LRBA: variants seen among roughly 807,000 people sequenced by gnomAD.
The protein encoded by LRBA is LPS responsive beige-like anchor protein, also known as lipopolysaccharide-responsive and beige-like anchor protein.
In LRBA, 176 loss-of-function variants were observed where a neutral mutation model predicts 330.0. That is an observed-to-expected ratio of 0.53 (90% confidence interval 0.47 to 0.60). The LOEUF is 0.60. Ranked by LOEUF, LRBA falls within the 20% of genes least tolerant of loss-of-function variation. The probability of loss-of-function intolerance (pLI) is 0.00; values close to 1 mark genes in which losing one functional copy is unlikely to be tolerated. For missense variants in LRBA, 3,259 were observed against 3,444.8 expected, an observed-to-expected ratio of 0.95 and a Z score of 1.35; for synonymous variants, 1,230 against 1,193.0, an observed-to-expected ratio of 1.03 and a Z score of -0.64.
intron 47 of LRBA, among the ~76,000 whole-genome samples, chr4:150,413,711 T>G (rs2151948771): frequency 6.6e-6 from 1 of 152,326 alleles, no homozygotes; most frequent in Non-Finnish European, 1.5e-5. Flanking sequence ...GTTACATAAC[T>G]GTATACACTT....
At chr4:150,848,457 C>T (rs1347139198) in intron 26 of LRBA, among the ~76,000 whole-genome samples, 1 of 151,430 alleles carries the variant, frequency 6.6e-6, no homozygotes, top group Non-Finnish European at 1.5e-5. Context: ...GGGAGCACCT[C>T]TAATTCCAGC....
At chr4:150,491,379 A>G (rs1758917015) in intron 40 of LRBA, among the ~76,000 whole-genome samples, 1 of 152,092 alleles carries the variant, frequency 6.6e-6, no homozygotes, top group Non-Finnish European at 1.5e-5. Flanking sequence ...AAAATCTTAA[A>G]AACAAAAAGC....
intron 27 of LRBA, 95 bp downstream of exon 27, chr4:150,844,563 A>T: frequency 8.8e-7 from 1 of 1,141,676 alleles, no homozygotes; most frequent in Non-Finnish European, 1.2e-6. Flanking sequence ...AATCTCTGCC[A>T]GATTTATTTA....
At chr4:150,586,146 T>C (rs1772087892) in intron 40 of LRBA, among the ~76,000 whole-genome samples, 1 of 152,166 alleles carries the variant, frequency 6.6e-6, no homozygotes, top group East Asian at 1.9e-4. Flanking sequence ...ATGTTCTGAA[T>C]TTTAAAAACA....
At chr4:150,753,896 A>T (rs1019260376) in intron 35 of LRBA, among the ~76,000 whole-genome samples, 3 of 151,682 alleles carry the variant, frequency 2.0e-5, no homozygotes, top group Non-Finnish European at 4.4e-5. Flanking sequence ...CAAAACACCA[A>T]CTCTACAAAA....
intron 51 of LRBA, among the ~76,000 whole-genome samples, chr4:150,313,227 C>G (rs930188350): frequency 6.6e-6 from 1 of 151,586 alleles, no homozygotes; most frequent in African/African-American, 2.4e-5. Flanking sequence ...GTGAAATTTC[C>G]ATATGTTAAG....
At chr4:150,971,770 G>C (rs1739604082) in intron 2 of LRBA, among the ~76,000 whole-genome samples, 1 of 152,058 alleles carries the variant, frequency 6.6e-6, no homozygotes, top group South Asian at 2.1e-4. Context: ...AGGGTTCCAA[G>C]CTTGGCCCAA....
intron 46 of LRBA, among the ~76,000 whole-genome samples, chr4:150,419,950 G>A (rs1484019000): frequency 1.3e-5 from 2 of 149,104 alleles, no homozygotes; most frequent in East Asian, 2.1e-4. Context: ...GATAATATAT[G>A]TCTAGCCCAG....
chr4:150,775,934 G>A (rs1232273741), intron 34 of LRBA, among the ~76,000 whole-genome samples: 1 of 151,256 alleles, frequency 6.6e-6, no homozygotes, highest in Non-Finnish European at 1.5e-5. Context: ...GAGGAGAAAA[G>A]AGGGGAGAAA....
intron 2 of LRBA, among the ~76,000 whole-genome samples, chr4:150,977,162 C>T (rs1294102099): frequency 6.6e-6 from 1 of 152,236 alleles, no homozygotes; most frequent in Non-Finnish European, 1.5e-5. Context: ...ACTTGCGCCA[C>T]TCCTCTCCAA....
Position 150,584,171 on chromosome 4 carries a change from G to C in LRBA, c.6330+3877C>G, listed in dbSNP as rs769949216. 19 of 1,445,578 alleles carry C rather than the reference G, an allele frequency of 1.3e-5. 1 individual carries two copies. The highest frequency in any genetic ancestry group is 1.6e-5 in the Non-Finnish European group (18 of 1,097,252). The allele number at this position is 1,445,578 out of a possible 1,614,324, so 89.5% of individuals were successfully genotyped here. A position where few individuals can be genotyped will look rare whatever the true frequency, so the allele number is the denominator to read the frequency against. ...CGTGCTCTCTCAGACACACAACTCTGCTATAAACAGCAGAAACTCTGGACA... is the reference window on the plus strand; with the variant it reads ...CGTGCTCTCTCAGACACACAACTCTCCTATAAACAGCAGAAACTCTGGACA... On this transcript the variant is annotated intron_variant, in intron 40 of 56. Coordinates refer to ENST00000651943, the MANE Select transcript of LRBA (RefSeq NM_001364905.1).
chr4:150,920,208 A>G (rs1236803989), intron 5 of LRBA, among the ~76,000 whole-genome samples: 1 of 152,208 alleles, frequency 6.6e-6, no homozygotes, highest in East Asian at 1.9e-4. Context: ...AAAAAAAAGA[A>G]TGAAAGATAA....
intron 37 of LRBA, among the ~76,000 whole-genome samples, chr4:150,646,830 T>C (rs1349979363): frequency 2.0e-5 from 3 of 152,080 alleles, no homozygotes; most frequent in Non-Finnish European, 4.4e-5. Flanking sequence ...GCAAAAGAAA[T>C]GCTCATTGGA....
chr4:150,751,549 CTATTCTTT>C (rs1287998601), intron 35 of LRBA, among the ~76,000 whole-genome samples: 2 of 151,880 alleles, frequency 1.3e-5, no homozygotes, highest in East Asian at 3.9e-4. Flanking sequence ...GCTGTGTAAA[CTATTCTTT>C]CAAAAAAGAA....
At chr4:150,545,861 A>G (rs1239502408) in intron 40 of LRBA, among the ~76,000 whole-genome samples, 2 of 152,064 alleles carry the variant, frequency 1.3e-5, no homozygotes, top group African/African-American at 4.8e-5. Context: ...TTGATTTTTG[A>G]GTGTTAAAAA....
chr4:150,674,766 T>C (rs1782384468), intron 37 of LRBA, among the ~76,000 whole-genome samples: 1 of 151,566 alleles, frequency 6.6e-6, no homozygotes, highest in Non-Finnish European at 1.5e-5. Context: ...TCCCAGCTAC[T>C]TGGGAGGCTG....
intron 40 of LRBA, among the ~76,000 whole-genome samples, chr4:150,575,039 G>T (rs932595528): frequency 4.0e-5 from 6 of 151,896 alleles, no homozygotes; most frequent in African/African-American, 7.2e-5. Flanking sequence ...AAATCAGTCA[G>T]AAAATAAGAG....
intron 35 of LRBA, among the ~76,000 whole-genome samples, chr4:150,753,594 C>T (rs763290564): frequency 6.6e-6 from 1 of 152,122 alleles, no homozygotes; most frequent in Non-Finnish European, 1.5e-5. Flanking sequence ...TATATCCAAG[C>T]CATCTTTCCT....
rs570843624 is a variant in LRBA, at chr4:150,496,734, A to G, written c.6331-5699T>C. Among the ~76,000 whole-genome samples, 11 of 152,232 alleles carry G rather than the reference A, an allele frequency of 7.2e-5. No homozygotes were observed. In the South Asian group the frequency reaches 2.3e-3, roughly 32 times the overall value. On this transcript the variant is annotated intron_variant, in intron 40 of 56. Transcript: ENST00000651943. ...TAATTTTATTTTTTCAGACAATTCC[A>G]GATTTCTGAAGATTTTGGTGTTAAG... is the stretch of plus-strand genomic sequence containing the variant.
Sources: allele counts gnomAD v4.1 joint callset (sites outside exome capture counted in the v4.1 genomes callset), GRCh38; gene constraint gnomAD v4.1.1; transcripts MANE v1.5; gene names NCBI Gene and HGNC (gene_info 2026-07-23, HGNC 2026-07-21).